The following CAPN3 variants were observed in gnomAD, a reference collection of about 807,000 sequenced individuals.
The protein encoded by CAPN3 is calpain-3.
CAPN3 carries 88 observed loss-of-function variants against 114.0 expected under a neutral mutation model. The observed-to-expected ratio is 0.77, with a 90% confidence interval of 0.65 to 0.92. The LOEUF is 0.92. Among genes scored for constraint, CAPN3 ranks in the 40% least tolerant of loss-of-function variants. The pLI is 0.00. For missense variants in CAPN3, 1,028 were observed against 1,069.0 expected, an observed-to-expected ratio of 0.96 and a Z score of 0.53; for synonymous variants, 386 against 382.9, an observed-to-expected ratio of 1.01 and a Z score of -0.09.
intron 13 of CAPN3, 117 bp downstream of exon 13, chr15:42,403,119 G>A: frequency 1.3e-6 from 1 of 785,176 alleles, no homozygotes; most frequent in South Asian, 1.4e-5. Context: ...CTGCTCCTGA[G>A]CCACTGGCCA....
chr15:42,394,655 C>T (rs1232644484), intron 8 of CAPN3, among the ~76,000 whole-genome samples: 1 of 152,100 alleles, frequency 6.6e-6, no homozygotes, highest in Admixed American at 6.5e-5. Context: ...GACTTCCCTT[C>T]TTGGGGTCTT....
intron 21 of CAPN3, 51 bp downstream of exon 21, chr15:42,410,717 A>C (rs2054191463): frequency 4.0e-6 from 6 of 1,492,134 alleles, no homozygotes; most frequent in Non-Finnish European, 5.6e-6. Context: ...CGGTGGGAGC[A>C]GGAATGGGAG....
At position 42,384,490 on chromosome 15, in the gene CAPN3, G is replaced by C. The variant is rs202008742; in HGVS notation, c.317G>C (p.Cys106Ser). The change falls in exon 2 of 24, where the codon TGC becomes TCC. Residue 106 changes from cysteine to serine, a missense_variant. Cys to Ser is a moderately radical substitution (Grantham distance 112, BLOSUM62 -1). Transcript: ENST00000397163. ...QFVWKRPPEI[C>S]ENPRFIIDGA... ...TTCCTTTTTGTTTCACAGGAAATTTGCGAGAATCCCCGATTTATCATTGAT... is the reference window on the plus strand; with the variant it reads ...TTCCTTTTTGTTTCACAGGAAATTTCCGAGAATCCCCGATTTATCATTGAT... 12 of 1,612,994 alleles carry C rather than the reference G, an allele frequency of 7.4e-6. No individual in the cohort carries two copies. In the East Asian group the frequency reaches 2.7e-4, roughly 36 times the overall value.
In CAPN3 at chr15:42,386,225, C is replaced by T. The variant is rs1250563056; in HGVS notation, c.438C>T (p.Phe146=). The T allele has an allele frequency of 1.2e-6, 2 of 1,614,064 alleles. No individual in the cohort carries two copies. The highest frequency in any genetic ancestry group is 2.7e-5 in the African/African-American group (2 of 74,936). Residue 146 remains phenylalanine (F), a synonymous_variant, in exon 3 of 24, where the codon TTC becomes TTT. Transcript: ENST00000397163. The part of the protein sequence containing the change: ...ACLTLNQHLL[F]RVIPHDQSFI... ...TGACCCTGAACCAGCACCTTCTTTT[C>T]CGAGTCATACCCCATGATCAAAGTT...
chr15:42,375,462 G>C (rs2053066014), intron 1 of CAPN3, among the ~76,000 whole-genome samples: 2 of 151,734 alleles, frequency 1.3e-5, no homozygotes, highest in Non-Finnish European at 2.9e-5. Context: ...GTGCTTGGGA[G>C]TGTGTAGCAC....
In CAPN3 at chr15:42,360,019, A is replaced by C; in HGVS notation, c.214A>C (p.Lys72Gln). Residue 72 changes from lysine to glutamine, a missense_variant, in exon 1 of 24, where the codon AAA (lysine) becomes CAA (glutamine). Lys to Gln is a moderately conservative substitution (Grantham distance 53, BLOSUM62 1). Coordinates refer to ENST00000397163, the MANE Select transcript of CAPN3 (RefSeq NM_000070.3). The stretch of plus-strand genomic sequence containing the variant: ...ACTTCACAAGAAATGTCTAGAAAAG[A>C]AAGTTCTTTATGTGGACCCTGAGTT... Reference protein sequence around the residue: ...EQLHKKCLEKKVLYVDPEFPP... With the variant: ...EQLHKKCLEKQVLYVDPEFPP... The C allele has an allele frequency of 6.2e-7, 1 of 1,614,238 alleles. No individual in the cohort carries two copies. Among genetic ancestry groups the C allele is most frequent in the Non-Finnish European group, 8.5e-7 (1 of 1,180,042 alleles).
At chr15:42,398,451 G>C (rs1358911222) in intron 9 of CAPN3, among the ~76,000 whole-genome samples, 1 of 151,966 alleles carries the variant, frequency 6.6e-6, no homozygotes, top group East Asian at 1.9e-4. Context: ...AGGTGTGGTG[G>C]TGTGCACCTG....
intron 6 of CAPN3, among the ~76,000 whole-genome samples, chr15:42,390,982 G>A (rs762956332): frequency 1.3e-5 from 2 of 151,250 alleles, no homozygotes; most frequent in Non-Finnish European, 2.9e-5. Flanking sequence ...TAGTAGAGAC[G>A]GGGTTTCACC....
rs140684769 is a variant in CAPN3, at chr15:42,402,944, C to T, written c.1687C>T (p.Pro563Ser). 3 of 1,614,198 alleles carry T rather than the reference C, an allele frequency of 1.9e-6. No homozygotes were observed. The highest frequency in any genetic ancestry group is 1.3e-5 in the African/African-American group (1 of 75,074). The change falls in exon 13 of 24, where the codon CCC (proline) becomes TCC (serine). Residue 563 changes from proline (P) to serine (S), a missense_variant. Pro to Ser is a moderately conservative substitution (Grantham distance 74, BLOSUM62 -1). Transcript: ENST00000397163. ...EYVIVPSTYE[P>S]HQEGEFILRV... ...CGTCATCGTGCCCTCCACCTACGAGCCCCACCAGGAGGGGGAATTCATCCT... is the reference window on the plus strand; with the variant it reads ...CGTCATCGTGCCCTCCACCTACGAGTCCCACCAGGAGGGGGAATTCATCCT...
rs777076120 is a variant in CAPN3 at position 42,389,961 on chromosome 15, G to C, written c.810G>C (p.Thr270=). 40 of 1,613,836 alleles carry C rather than the reference G, an allele frequency of 2.5e-5. 1 individual carries two copies. The South Asian group carries it at 4.3e-4, about 17-fold the overall frequency. ...TCTCCATCGGGCCTCAGGATGGCAC[G>C]AACATGACCTATGGAACCTCTCCTT... The part of the protein sequence containing the change: ...SLMGCSIDDG[T]NMTYGTSPSG... The change falls in exon 6 of 24, where the codon ACG becomes ACC. Residue 270 remains threonine, a synonymous_variant. Coordinates refer to ENST00000397163, the MANE Select transcript of CAPN3 (RefSeq NM_000070.3).
intron 12 of CAPN3, chr15:42,402,483 C>T (rs2053900916): frequency 7.0e-7 from 1 of 1,427,962 alleles, no homozygotes; most frequent in African/African-American, 1.4e-5. Flanking sequence ...TCCCTCAGAA[C>T]CCAGCCAAGT....
intron 9 of CAPN3, 21 bp from the exon 10 acceptor site, chr15:42,399,471 T>C: frequency 1.2e-6 from 2 of 1,607,604 alleles, no homozygotes; most frequent in Non-Finnish European, 8.5e-7. Context: ...TATGGCTCTC[T>C]CTCTTCTTCC....
chr15:42,401,799 G>C lies in CAPN3; in HGVS notation c.1513G>C (p.Ala505Pro), dbSNP rs1555422133. Residue 505 changes from alanine (A) to proline (P), a missense_variant, in exon 11 of 24, where the codon GCC becomes CCC. Transcript: ENST00000397163. ...LGASLFTIGF[A>P]IYEVPKEMHG... ...GGCCAGTCTCTTCACCATTGGCTTC[G>C]CCATCTACGAGGTGTGCAGTCCTGA... 1 of 1,613,184 alleles carries C rather than the reference G, an allele frequency of 6.2e-7. No homozygotes were observed. The highest frequency in any genetic ancestry group is 8.5e-7 in the Non-Finnish European group (1 of 1,179,570).
intron 17 of CAPN3, 36 bp from the exon 18 acceptor site, chr15:42,409,751 T>C: frequency 1.3e-6 from 2 of 1,599,390 alleles, no homozygotes; most frequent in Non-Finnish European, 1.7e-6. Context: ...GCTGCTGTAC[T>C]CCTGAACCAT....
chr15:42,366,828 C>CTTT (rs545010219), intron 1 of CAPN3, among the ~76,000 whole-genome samples: 10,257 of 126,266 alleles, frequency 0.081, 699 homozygotes, highest in South Asian at 0.17. Context: ...TCTTTTTTTT[C>CTTT]TTTTTTTTTT....
chr15:42,379,381 T>C (rs2053178952), intron 1 of CAPN3, among the ~76,000 whole-genome samples: 1 of 152,204 alleles, frequency 6.6e-6, no homozygotes, highest in Admixed American at 6.5e-5. Flanking sequence ...TTGTTACCTA[T>C]GAATTTGAGA....
At chr15:42,402,595 A>T in intron 12 of CAPN3, 199 bp from the exon 13 acceptor site, 1 of 1,503,044 alleles carries the variant, frequency 6.7e-7, no homozygotes, top group Non-Finnish European at 8.9e-7. Context: ...CACATTTGCC[A>T]TTCACTCTGA....
At chr15:42,371,715 G>A (rs976155313) in intron 1 of CAPN3, among the ~76,000 whole-genome samples, 2 of 152,108 alleles carry the variant, frequency 1.3e-5, no homozygotes, top group Non-Finnish European at 2.9e-5. Context: ...TGTAATCCCA[G>A]CACTTTGGGA....
chr15:42,387,900 T>C lies in CAPN3; in HGVS notation c.632+14T>C. 6.2e-7 allele frequency: 1 copy of C among 1,614,050 alleles called. No homozygotes were observed. Among genetic ancestry groups the C allele is most frequent in the South Asian group, 1.1e-5 (1 of 91,068 alleles). ...GGCTTATGCTAAGTAAGCAACACTT[T>C]AGAATGTGAGGTGGGGCTAGAGGTG... is the stretch of plus-strand genomic sequence containing the variant. On this transcript the variant is annotated intron_variant, in intron 4 of 23. Transcript: ENST00000397163.
Sources: gnomAD v4.1 joint callset for allele counts (sites outside exome capture counted in the v4.1 genomes callset) on GRCh38, gnomAD v4.1.1 for gene constraint, MANE v1.5 for transcripts, NCBI Gene and HGNC (gene_info 2026-07-23, HGNC 2026-07-21) for gene names.